PMVK: variants seen among roughly 807,000 people sequenced by gnomAD.
The protein encoded by PMVK is testis tissue sperm-binding protein Li 95mP.
Under a neutral mutation model 19.0 loss-of-function variants are expected in PMVK, and 10 were observed. The ratio of observed to expected loss-of-function variants is 0.53; its 90% CI spans 0.32 to 0.89. The LOEUF (loss-of-function observed/expected upper bound fraction) is 0.89, where lower values mean the gene tolerates loss of function less well. Ranked by LOEUF, PMVK falls within the 40% of genes least tolerant of loss-of-function variation. The probability of loss-of-function intolerance (pLI) is 0.03; values close to 1 mark genes in which losing one functional copy is unlikely to be tolerated. For synonymous variants in PMVK, 108 were observed against 101.6 expected (o/e 1.06, Z -0.38); for missense variants, 222 against 251.1 (o/e 0.88, Z 0.78).
intron 1 of PMVK, 137 bp downstream of exon 1, chr1:154,936,454 T>G: frequency 6.8e-7 from 1 of 1,467,712 alleles, no homozygotes; most frequent in Non-Finnish European, 9.0e-7. Context: ...GCATTCCACC[T>G]TCCCCAGCCC....
At chr1:154,940,820 T>C (rs1260918375), upstream of PMVK, among the ~76,000 whole-genome samples, 2 of 152,204 alleles carry the variant, frequency 1.3e-5, no homozygotes, top group Non-Finnish European at 2.9e-5. Context: ...TCCCGCCAGC[T>C]CCTGCCACAT....
intron 3 of PMVK, among the ~76,000 whole-genome samples, chr1:154,926,926 GA>G (rs1654181321): frequency 6.6e-6 from 1 of 152,082 alleles, no homozygotes; most frequent in Non-Finnish European, 1.5e-5. Context: ...CTCAACTCCT[GA>G]TTTCCTCTCC....
At chr1:154,925,936 G>A (rs1288609451) in intron 4 of PMVK, among the ~76,000 whole-genome samples, 2 of 152,236 alleles carry the variant, frequency 1.3e-5, no homozygotes, top group Non-Finnish European at 2.9e-5. Flanking sequence ...AAGGAAGCCT[G>A]AGCTGTGCTT....
At chr1:154,928,922 G>A (rs1654251617) in intron 3 of PMVK, 102 bp downstream of exon 3, 1 of 1,166,620 alleles carries the variant, frequency 8.6e-7, no homozygotes, top group African/African-American at 1.5e-5. Flanking sequence ...CAGAAATGGT[G>A]GGGGCTTGGG....
chr1:154,926,273 C>G, intron 4 of PMVK, 81 bp downstream of exon 4: 1 of 1,375,674 alleles, frequency 7.3e-7, no homozygotes, highest in Non-Finnish European at 1.0e-6. Flanking sequence ...CCCTTATTCA[C>G]TTCCCCCAGG....
chr1:154,936,292 G>C (rs977347914), intron 1 of PMVK: 20 of 663,490 alleles, frequency 3.0e-5, no homozygotes, highest in Non-Finnish European at 3.7e-5. Context: ...ATGTTGCCCA[G>C]GCTGGTATCC....
chr1:154,939,456 C>T (rs1225627478), upstream of PMVK, among the ~76,000 whole-genome samples: 2 of 151,406 alleles, frequency 1.3e-5, no homozygotes, highest in Non-Finnish European at 2.9e-5. Flanking sequence ...AAGGCCGAGG[C>T]GGGCAGATCA....
upstream of PMVK, among the ~76,000 whole-genome samples, chr1:154,939,542 AC>A (rs907719308): frequency 1.5e-4 from 22 of 148,682 alleles, no homozygotes; most frequent in Admixed American, 6.0e-4. Context: ...AAAAAAAAAA[AC>A]AAAACAGCCA....
rs1260785006 is a variant in PMVK at position 154,924,831 on chromosome 1, G to C, written c.*298C>G. 3 of 383,804 alleles carry C rather than the reference G, an allele frequency of 7.8e-6. No homozygotes were observed. Among genetic ancestry groups the C allele is most frequent in the Non-Finnish European group, 9.8e-6 (2 of 205,044 alleles). The allele number at this position is 383,804 out of a possible 1,614,324, so 23.8% of individuals were successfully genotyped here. On this transcript the variant is annotated 3_prime_UTR_variant, in exon 5 of 5. Coordinates refer to ENST00000368467, the MANE Select transcript of PMVK (RefSeq NM_006556.4). ...TGAGAACATCCAGTCAGGATGCAAG[G>C]CCACCACAGGCTGAGGGGACTGGCA...
At chr1:154,932,488 A>G in intron 1 of PMVK, 73 bp from the exon 2 acceptor site, 1 of 1,040,226 alleles carries the variant, frequency 9.6e-7, no homozygotes, top group South Asian at 1.6e-5. Context: ...AAAGGGAGTC[A>G]AGAGGCCTGT....
chr1:154,941,756 C>T, the PMVK span, among the ~76,000 whole-genome samples: 1 of 152,192 alleles, frequency 6.6e-6, no homozygotes, highest in Admixed American at 6.5e-5. Flanking sequence ...CATCTGTCTC[C>T]ACCACCTGTC....
In PMVK at chr1:154,936,573, T is replaced by C; in HGVS notation, c.95+18A>G. The stretch of plus-strand genomic sequence containing the variant: ...ATGCGGAGAGCTCCCCCTTCCACCT[T>C]TCCCGCCTCACGGACACCTGCTCTG... On this transcript the variant is annotated intron_variant, in intron 1 of 4. Coordinates refer to ENST00000368467, the MANE Select transcript of PMVK (RefSeq NM_006556.4). 6.3e-7 allele frequency: 1 copy of C among 1,586,588 alleles called. No homozygotes were observed. The highest frequency in any genetic ancestry group is 2.3e-5 in the East Asian group (1 of 43,980).
chr1:154,934,898 C>T (rs760552262), intron 1 of PMVK, among the ~76,000 whole-genome samples: 10 of 151,618 alleles, frequency 6.6e-5, no homozygotes, highest in Non-Finnish European at 1.5e-4. Flanking sequence ...CCTGTCTCTA[C>T]TAAAAATACA....
chr1:154,935,322 G>A (rs1360892318), intron 1 of PMVK, among the ~76,000 whole-genome samples: 1 of 152,030 alleles, frequency 6.6e-6, no homozygotes, highest in African/African-American at 2.4e-5. Context: ...TAGAACCCCC[G>A]TGGTACCCAA....
chr1:154,936,507 G>C (rs1654508046), intron 1 of PMVK, 84 bp downstream of exon 1: 2 of 1,532,846 alleles, frequency 1.3e-6, no homozygotes, highest in Non-Finnish European at 1.8e-6. Flanking sequence ...GTACTCCAAA[G>C]CTCACTCCGT....
rs114951074 is a variant in PMVK at position 154,931,441 on chromosome 1, C to T, written c.159+911G>A. 4.3e-3 allele frequency among the ~76,000 whole-genome samples: 661 copies of T among 152,184 alleles called. 2 individuals are homozygous for T. The highest frequency in any genetic ancestry group is 7.4e-3 in the Non-Finnish European group (505 of 68,012). ...ACTTATTTTTTTTATTCTATTTTAA[C>T]GATTCTATTTTTTTTAATCCATGTG... On this transcript the variant is annotated intron_variant, in intron 2 of 4. Coordinates refer to ENST00000368467, the MANE Select transcript of PMVK (RefSeq NM_006556.4).
upstream of PMVK, chr1:154,936,962 T>G: frequency 2.2e-6 from 1 of 459,068 alleles, no homozygotes; most frequent in Non-Finnish European, 4.1e-6. Context: ...CGAACTCACT[T>G]AGAACAGTCC....
chr1:154,935,881 A>AG (rs770452490), intron 1 of PMVK, among the ~76,000 whole-genome samples: 67 of 152,160 alleles, frequency 4.4e-4, no homozygotes, highest in Middle Eastern at 3.4e-3. Flanking sequence ...TGTAGAGACT[A>AG]GGGTCTTACT....
At chr1:154,941,118 C>T (rs752706059), upstream of PMVK, among the ~76,000 whole-genome samples, 17 of 152,210 alleles carry the variant, frequency 1.1e-4, no homozygotes, top group African/African-American at 2.7e-4. Context: ...CTGGGGTTTC[C>T]GACTTCAAAT....
Sources: gnomAD v4.1 joint callset for allele counts (sites outside exome capture counted in the v4.1 genomes callset) on GRCh38, gnomAD v4.1.1 for gene constraint, MANE v1.5 for transcripts, NCBI Gene and HGNC (gene_info 2026-07-23, HGNC 2026-07-21) for gene names.